The following SPMIP2 variants were observed in gnomAD, a reference collection of about 807,000 sequenced individuals.
SPMIP2 encodes the protein protein SPMIP2.
At chr4:158,951,580 G>T in the SPMIP2 span, among the ~76,000 whole-genome samples, 1 of 152,170 alleles carries the variant, frequency 6.6e-6, no homozygotes, top group Non-Finnish European at 1.5e-5. Flanking sequence ...CTAAGTCAAA[G>T]AAATAGATGC....
At chr4:158,931,460 T>C in the SPMIP2 span, among the ~76,000 whole-genome samples, 5 of 152,202 alleles carry the variant, frequency 3.3e-5, no homozygotes, top group Non-Finnish European at 7.3e-5. Context: ...TTTCATGATG[T>C]TGGCCAGGCT....
At chr4:159,009,404 T>C in the SPMIP2 span, among the ~76,000 whole-genome samples, 3 of 152,318 alleles carry the variant, frequency 2.0e-5, no homozygotes, top group South Asian at 6.2e-4. Context: ...TGCATCATGT[T>C]TGAGGACCCC....
the SPMIP2 span, among the ~76,000 whole-genome samples, chr4:158,998,043 A>G: frequency 6.6e-5 from 10 of 152,302 alleles, no homozygotes; most frequent in Non-Finnish European, 1.3e-4. Context: ...CTTGCAGGTC[A>G]TACATACAAT....
the SPMIP2 span, among the ~76,000 whole-genome samples, chr4:159,002,843 G>A: frequency 6.6e-6 from 1 of 151,700 alleles, no homozygotes; most frequent in Non-Finnish European, 1.5e-5. Context: ...TCTTACTGTG[G>A]ACTGCAGTCA....
At chr4:158,915,423 G>T in the SPMIP2 span, 1 of 1,330,364 alleles carries the variant, frequency 7.5e-7, no homozygotes, top group Non-Finnish European at 1.0e-6. Context: ...CCAGTTTTCA[G>T]ATAGTTGAGA....
chr4:159,030,429 A>T, the SPMIP2 span, among the ~76,000 whole-genome samples: 2 of 151,894 alleles, frequency 1.3e-5, no homozygotes, highest in African/African-American at 4.8e-5. Context: ...AAAAAAAAAG[A>T]GTAGTGTTAT....
At chr4:159,040,687 A>G in the SPMIP2 span, among the ~76,000 whole-genome samples, 1 of 151,880 alleles carries the variant, frequency 6.6e-6, no homozygotes, top group Non-Finnish European at 1.5e-5. Flanking sequence ...GCTGGTCTTG[A>G]ACTCCTGGCC....
the SPMIP2 span, among the ~76,000 whole-genome samples, chr4:158,954,250 T>G: frequency 6.6e-6 from 1 of 152,162 alleles, no homozygotes; most frequent in Non-Finnish European, 1.5e-5. Context: ...TCCCCTATAC[T>G]GTTCTCGTGG....
the SPMIP2 span, among the ~76,000 whole-genome samples, chr4:159,060,999 C>T: frequency 1.3e-5 from 2 of 151,432 alleles, no homozygotes; most frequent in Non-Finnish European, 2.9e-5. Flanking sequence ...GTGGGAGGAT[C>T]ACCTGAGTTC....
At chr4:159,017,468 AG>A in the SPMIP2 span, among the ~76,000 whole-genome samples, 1 of 152,018 alleles carries the variant, frequency 6.6e-6, no homozygotes, top group Non-Finnish European at 1.5e-5. Context: ...TAAGAGACAG[AG>A]TCTCACTTCA....
the SPMIP2 span, among the ~76,000 whole-genome samples, chr4:159,012,720 C>T: frequency 6.6e-6 from 1 of 151,798 alleles, no homozygotes; most frequent in Non-Finnish European, 1.5e-5. Flanking sequence ...TACAGGCCCT[C>T]AACACCATGC....
the SPMIP2 span, among the ~76,000 whole-genome samples, chr4:158,961,562 G>A: frequency 3.9e-5 from 6 of 152,130 alleles, no homozygotes; most frequent in South Asian, 1.2e-3. Flanking sequence ...GAATTCCATT[G>A]AATTTTATTA....
chr4:159,082,194 G>A, the SPMIP2 span, among the ~76,000 whole-genome samples: 71 of 151,198 alleles, frequency 4.7e-4, 1 homozygote, highest in East Asian at 9.5e-3. Context: ...TTAGGTGGGC[G>A]TGGTGGCAGG....
At chr4:159,035,029 T>G in the SPMIP2 span, 1 of 1,610,284 alleles carries the variant, frequency 6.2e-7, no homozygotes, top group Non-Finnish European at 8.5e-7. Context: ...CAAAAACTAT[T>G]TACCTGTAAA....
the SPMIP2 span, among the ~76,000 whole-genome samples, chr4:159,047,807 CAA>C: frequency 6.6e-6 from 1 of 152,276 alleles, no homozygotes; most frequent in Non-Finnish European, 1.5e-5. Flanking sequence ...GGAAGAAAGA[CAA>C]AGAGAATGGC....
the SPMIP2 span, among the ~76,000 whole-genome samples, chr4:158,939,138 G>A: frequency 2.0e-5 from 3 of 152,212 alleles, no homozygotes; most frequent in African/African-American, 4.8e-5. Flanking sequence ...TCTGTGAGCT[G>A]ATCGGTAGCA....
chr4:158,972,756 C>T, the SPMIP2 span, among the ~76,000 whole-genome samples: 17 of 152,340 alleles, frequency 1.1e-4, no homozygotes, highest in South Asian at 2.1e-4. Context: ...CCATCGTCCA[C>T]GCATGAAGCA....
At chr4:159,033,455 A>T in the SPMIP2 span, among the ~76,000 whole-genome samples, 3 of 152,144 alleles carry the variant, frequency 2.0e-5, no homozygotes, top group Non-Finnish European at 4.4e-5. Flanking sequence ...GATGCAAATT[A>T]AAAAAAATTA....
At chr4:158,902,057 GGA>G in the SPMIP2 span, among the ~76,000 whole-genome samples, 1 of 151,978 alleles carries the variant, frequency 6.6e-6, no homozygotes, top group African/African-American at 2.4e-5. Flanking sequence ...ATCCTTTGGA[GGA>G]GAGAGCATTC....
Sources: allele counts gnomAD v4.1 joint callset (sites outside exome capture counted in the v4.1 genomes callset), GRCh38; gene constraint gnomAD v4.1.1; transcripts MANE v1.5; gene names NCBI Gene and HGNC (gene_info 2026-07-23, HGNC 2026-07-21).